TEAD1: variants seen among roughly 807,000 people sequenced by gnomAD.
TEAD1 encodes transcriptional enhancer factor TEF-1.
TEAD1 carries 9 observed loss-of-function variants against 54.9 expected under a neutral mutation model. That is an observed-to-expected ratio of 0.16 (90% CI 0.10 to 0.29). The LOEUF (loss-of-function observed/expected upper bound fraction) is 0.29. Among genes scored for constraint, TEAD1 ranks in the 10% least tolerant of loss-of-function variants. TEAD1 has a pLI of 1.00. For synonymous variants in TEAD1, 200 were observed against 187.8 expected (o/e 1.07, Z -0.53); for missense variants, 387 against 535.9 (o/e 0.72, Z 2.74).
intron 10 of TEAD1, among the ~76,000 whole-genome samples, chr11:12,908,808 G>A (rs149774022): frequency 0.021 from 3,140 of 151,700 alleles, 61 homozygotes; most frequent in Non-Finnish European, 0.033. Flanking sequence ...CAAGGAATAC[G>A]TGAAATCTGA....
chr11:12,702,688 C>A (rs1036350131), intron 2 of TEAD1, among the ~76,000 whole-genome samples: 3 of 152,138 alleles, frequency 2.0e-5, no homozygotes, highest in Non-Finnish European at 2.9e-5. Context: ...TTACTTCCTT[C>A]CCATTCCCTG....
At chr11:12,915,024 C>T (rs1176386577) in intron 10 of TEAD1, among the ~76,000 whole-genome samples, 1 of 152,214 alleles carries the variant, frequency 6.6e-6, no homozygotes, top group East Asian at 1.9e-4. Context: ...TCGTTGCAGC[C>T]ATCAGTGCCT....
chr11:12,811,750 A>G (rs1946305188), intron 3 of TEAD1, among the ~76,000 whole-genome samples: 1 of 145,882 alleles, frequency 6.9e-6, no homozygotes, highest in African/African-American at 2.5e-5. Context: ...GTCTTAGGGG[A>G]GTGGTCTTGC....
At chr11:12,777,877 CA>C (rs989967625) in intron 3 of TEAD1, among the ~76,000 whole-genome samples, 6 of 152,158 alleles carry the variant, frequency 3.9e-5, no homozygotes, top group Non-Finnish European at 5.9e-5. Context: ...AGGGAATTGT[CA>C]AGTGGGTTGA....
chr11:12,748,249 G>A (rs181677784), intron 2 of TEAD1, among the ~76,000 whole-genome samples: 11 of 152,282 alleles, frequency 7.2e-5, no homozygotes, highest in Admixed American at 5.2e-4. Context: ...GGCGTGAGCC[G>A]CTGCGCCTGG....
At chr11:12,882,710 T>G (rs547216262) in intron 8 of TEAD1, among the ~76,000 whole-genome samples, 1 of 152,330 alleles carries the variant, frequency 6.6e-6, no homozygotes, top group South Asian at 2.1e-4. Context: ...CATTCTTGGC[T>G]TGGTCCCCAA....
rs7938798 is a variant in TEAD1 at position 12,869,856 on chromosome 11, C to G, written c.330+4956C>G. Among the ~76,000 whole-genome samples, 1,247 of 151,488 alleles carry G rather than the reference C, an allele frequency of 8.2e-3. 15 individuals carry two copies. Among genetic ancestry groups the G allele is most frequent in the African/African-American group, 0.028 (1,144 of 41,012 alleles). ...AAAGCTCTCTCTTCTCATTTTGCTC[C>G]TAGATTTTTGCCCATTGTCTTTTTC... On this transcript the variant is annotated intron_variant, in intron 5 of 12. Transcript: ENST00000527636.
At chr11:12,920,792 T>C (rs1198862129) in intron 10 of TEAD1, among the ~76,000 whole-genome samples, 2 of 152,244 alleles carry the variant, frequency 1.3e-5, no homozygotes, top group African/African-American at 2.4e-5. Context: ...TAATTTCTAA[T>C]GCACCTTTTC....
chr11:12,705,086 G>C (rs1358569437), intron 2 of TEAD1, among the ~76,000 whole-genome samples: 1 of 152,232 alleles, frequency 6.6e-6, no homozygotes, highest in East Asian at 1.9e-4. Flanking sequence ...GAATGGGCTT[G>C]ACAGCCATAC....
Position 12,943,503 on chromosome 11 carries a change from A to G in TEAD1, c.*6281A>G, listed in dbSNP as rs910037918. 1.3e-5 allele frequency: 2 copies of G among 152,576 alleles called. No homozygotes were observed. The highest frequency in any genetic ancestry group is 4.8e-5 in the African/African-American group (2 of 41,466). 9.5% of individuals were successfully genotyped at this position (152,576 alleles called of 1,614,324 possible). A position where few individuals can be genotyped will look rare whatever the true frequency, so the allele number is the denominator to read the frequency against. On this transcript the variant is annotated 3_prime_UTR_variant, in exon 13 of 13. Coordinates refer to ENST00000527636, the MANE Select transcript of TEAD1 (RefSeq NM_021961.6). ...ATTTGTATTTATTGTCCTACTTCCT[A>G]AGCCGTAACTTCTTTTCCTCTGTGA...
chr11:12,693,995 G>C (rs1943522099), intron 2 of TEAD1, among the ~76,000 whole-genome samples: 1 of 152,208 alleles, frequency 6.6e-6, no homozygotes, highest in Non-Finnish European at 1.5e-5. Context: ...AGGCACTTGA[G>C]TCAATTTACT....
At chr11:12,916,357 A>G (rs1399001651) in intron 10 of TEAD1, among the ~76,000 whole-genome samples, 5 of 152,166 alleles carry the variant, frequency 3.3e-5, no homozygotes, top group East Asian at 1.9e-4. Context: ...GACTGGCTCC[A>G]TGGTGACAGT....
intron 3 of TEAD1, among the ~76,000 whole-genome samples, chr11:12,811,371 A>G (rs1946297030): frequency 6.6e-6 from 1 of 152,200 alleles, no homozygotes; most frequent in African/African-American, 2.4e-5. Flanking sequence ...ATTGGTAATG[A>G]TGCCATCTAA....
chr11:12,675,048 A>G (rs1170412310), intron 1 of TEAD1, among the ~76,000 whole-genome samples: 1 of 145,800 alleles, frequency 6.9e-6, no homozygotes, highest in Non-Finnish European at 1.5e-5. Flanking sequence ...GCGACTTGCC[A>G]GGACGCCAAG....
intron 3 of TEAD1, among the ~76,000 whole-genome samples, chr11:12,798,703 G>T (rs572161836): frequency 1.3e-5 from 2 of 152,344 alleles, no homozygotes; most frequent in South Asian, 2.1e-4. Flanking sequence ...TTGTATTTAC[G>T]GTTGAGTTTG....
chr11:12,937,242 T>C lies in TEAD1; in HGVS notation c.*20T>C. 2.8e-5 allele frequency: 40 copies of C among 1,442,754 alleles called. No homozygotes were observed. The highest frequency in any genetic ancestry group is 3.7e-5 in the Non-Finnish European group (38 of 1,026,726). 89.4% of individuals were successfully genotyped at this position (1,442,754 alleles called of 1,614,324 possible). A position where few individuals can be genotyped will look rare whatever the true frequency, so the allele number is the denominator to read the frequency against. Reference sequence around the variant, plus strand: ...GACTGAACATGGTTATTTATATATATAGATATCTGTATATACACACACACA... The same window carrying C: ...GACTGAACATGGTTATTTATATATACAGATATCTGTATATACACACACACA... On this transcript the variant is annotated 3_prime_UTR_variant, in exon 13 of 13. Transcript: ENST00000527636.
intron 3 of TEAD1, among the ~76,000 whole-genome samples, chr11:12,807,968 G>A (rs1349555052): frequency 6.6e-6 from 1 of 152,138 alleles, no homozygotes; most frequent in Non-Finnish European, 1.5e-5. Context: ...TTGCTTATCC[G>A]CAAAGTGGTT....
At chr11:12,705,578 TAAGTG>T (rs1943796652) in intron 2 of TEAD1, among the ~76,000 whole-genome samples, 1 of 152,114 alleles carries the variant, frequency 6.6e-6, no homozygotes, top group Admixed American at 6.6e-5. Context: ...GACACATAGA[TAAGTG>T]AAGAAAATTT....
At chr11:12,780,249 T>C (rs1016168070) in intron 3 of TEAD1, among the ~76,000 whole-genome samples, 6 of 151,576 alleles carry the variant, frequency 4.0e-5, no homozygotes, top group Non-Finnish European at 8.8e-5. Flanking sequence ...TAAATTTTTT[T>C]TTTTTTTTTT....
Sources: gnomAD v4.1 joint callset for allele counts (sites outside exome capture counted in the v4.1 genomes callset) on GRCh38, gnomAD v4.1.1 for gene constraint, MANE v1.5 for transcripts, NCBI Gene and HGNC (gene_info 2026-07-23, HGNC 2026-07-21) for gene names.